STPG2: variants seen among roughly 807,000 people sequenced by gnomAD.
The protein encoded by STPG2 is sperm-tail PG-rich repeat-containing protein 2.
In STPG2, 56 loss-of-function variants were observed where a neutral mutation model predicts 54.2. The ratio of observed to expected loss-of-function variants is 1.03; its 90% CI spans 0.83 to 1.29. The LOEUF (loss-of-function observed/expected upper bound fraction) is 1.29. Ranked by LOEUF, STPG2 falls within the 50% of genes most tolerant of loss-of-function variation. STPG2 has a pLI of 0.00. For missense variants in STPG2, 596 were observed against 544.9 expected (o/e 1.09, Z -0.93); for synonymous variants, 200 against 181.8 (o/e 1.10, Z -0.81).
At chr4:97,773,049 C>T (rs1180714861) in intron 9 of STPG2, among the ~76,000 whole-genome samples, 1 of 152,154 alleles carries the variant, frequency 6.6e-6, no homozygotes, top group Non-Finnish European at 1.5e-5. Context: ...ATGTATTTTA[C>T]ATTAATGAAA....
At chr4:97,538,062 A>G (rs985808785) in intron 4 of STPG2, among the ~76,000 whole-genome samples, 1 of 152,152 alleles carries the variant, frequency 6.6e-6, no homozygotes, top group African/African-American at 2.4e-5. Flanking sequence ...ATCATCAAAG[A>G]CCAAAGGTAG....
chr4:97,718,065 A>T (rs1272308460), intron 9 of STPG2, among the ~76,000 whole-genome samples: 2 of 152,074 alleles, frequency 1.3e-5, no homozygotes, highest in African/African-American at 4.8e-5. Flanking sequence ...GTTCCCTTAG[A>T]TCACCATTCT....
intron 5 of STPG2, among the ~76,000 whole-genome samples, chr4:98,085,133 AGGTTT>A (rs1360537010): frequency 1.3e-5 from 2 of 152,032 alleles, no homozygotes; most frequent in Admixed American, 1.3e-4. Flanking sequence ...TTATGTTTTA[AGGTTT>A]GGTTTGGTTT....
At chr4:98,003,597 A>G (rs1332493450) in intron 5 of STPG2, among the ~76,000 whole-genome samples, 1 of 152,130 alleles carries the variant, frequency 6.6e-6, no homozygotes, top group Non-Finnish European at 1.5e-5. Context: ...TAAAAAGACT[A>G]CATGAAATCA....
chr4:97,466,791 G>A (rs974828944), intron 4 of STPG2, among the ~76,000 whole-genome samples: 1 of 151,782 alleles, frequency 6.6e-6, no homozygotes, highest in Non-Finnish European at 1.5e-5. Flanking sequence ...ATGAATATTA[G>A]AAAAAGAAAC....
intron 6 of STPG2, among the ~76,000 whole-genome samples, chr4:97,976,600 A>G (rs1428054854): frequency 6.6e-6 from 1 of 152,156 alleles, no homozygotes; most frequent in South Asian, 2.1e-4. Context: ...TTATAGTAGT[A>G]ACTTGCAAAC....
intron 5 of STPG2, among the ~76,000 whole-genome samples, chr4:98,040,432 T>C (rs749204561): frequency 9.2e-5 from 14 of 151,978 alleles, no homozygotes; most frequent in Admixed American, 9.2e-4. Context: ...GGTTTTCTTC[T>C]AGGATTTTTA....
intron 3 of STPG2, among the ~76,000 whole-genome samples, chr4:98,117,617 A>G (rs1260629270): frequency 6.6e-6 from 1 of 151,648 alleles, no homozygotes; most frequent in African/African-American, 2.4e-5. Flanking sequence ...TCTTCATCCT[A>G]TTTTCTTTCT....
intron 8 of STPG2, among the ~76,000 whole-genome samples, chr4:97,848,055 A>G (rs538704619): frequency 1.3e-5 from 2 of 152,190 alleles, no homozygotes; most frequent in African/African-American, 2.4e-5. Flanking sequence ...AAAATGACAT[A>G]AACTGCTAAA....
At chr4:97,652,602 T>C (rs1722102595) in intron 10 of STPG2, among the ~76,000 whole-genome samples, 1 of 151,966 alleles carries the variant, frequency 6.6e-6, no homozygotes, top group African/African-American at 2.4e-5. Flanking sequence ...TTCTTAGCAC[T>C]GTACACTGGG....
At chr4:97,805,520 C>T (rs1399371774) in intron 9 of STPG2, among the ~76,000 whole-genome samples, 1 of 152,082 alleles carries the variant, frequency 6.6e-6, no homozygotes, top group East Asian at 1.9e-4. Flanking sequence ...CTGTTCTAAT[C>T]TATTTAAAAG....
chr4:97,668,721 T>G, intron 10 of STPG2, among the ~76,000 whole-genome samples: 1 of 149,800 alleles, frequency 6.7e-6, no homozygotes, highest in Non-Finnish European at 1.5e-5. Context: ...AAAAGAAAAA[T>G]TAAAGTTGAT....
chr4:98,097,454 A>G (rs959700947), intron 5 of STPG2, among the ~76,000 whole-genome samples: 2 of 152,156 alleles, frequency 1.3e-5, no homozygotes, highest in Admixed American at 6.5e-5. Context: ...CCCTCAAAAA[A>G]CCAGGTATAG....
At chr4:98,021,327 T>C (rs1736181866) in intron 5 of STPG2, among the ~76,000 whole-genome samples, 1 of 133,242 alleles carries the variant, frequency 7.5e-6, no homozygotes, top group Non-Finnish European at 1.7e-5. Context: ...AGTTGAGCGG[T>C]TTTGAGTGAG....
rs999311522 is a variant in STPG2, at chr4:97,703,458, C to T, written c.1320+9241G>A. ...ATGATATATGCTATATATATACACA[C>T]ACTATATATATAGTAGTATATAGTA... On this transcript the variant is annotated intron_variant, in intron 10 of 10. Coordinates refer to ENST00000295268, the MANE Select transcript of STPG2 (RefSeq NM_174952.3). Among the ~76,000 whole-genome samples, 3 of 140,572 alleles carry T rather than the reference C, an allele frequency of 2.1e-5. No homozygotes were observed. In the East Asian group the frequency reaches 6.1e-4, roughly 29 times the overall value. The allele number at this position is 140,572 out of a possible 152,430, so 92.2% of individuals were successfully genotyped here. A position where few individuals can be genotyped will look rare whatever the true frequency, so the allele number is the denominator to read the frequency against.
At chr4:98,089,325 T>A (rs11935078) in intron 5 of STPG2, among the ~76,000 whole-genome samples, 60,145 of 151,958 alleles carry the variant, frequency 0.4, 12,142 homozygotes, top group Middle Eastern at 0.46. Flanking sequence ...ATTCCTGTGT[T>A]ACTTCACATG....
At chr4:97,996,211 C>T (rs2149272559) in intron 5 of STPG2, among the ~76,000 whole-genome samples, 1 of 152,230 alleles carries the variant, frequency 6.6e-6, no homozygotes, top group Non-Finnish European at 1.5e-5. Context: ...GCTACAGTAA[C>T]CAAAACAGCA....
intron 9 of STPG2, among the ~76,000 whole-genome samples, chr4:97,746,892 A>G (rs2149042341): frequency 6.6e-6 from 1 of 151,312 alleles, no homozygotes; most frequent in South Asian, 2.1e-4. Flanking sequence ...TGTTCCAGGT[A>G]TGTAGAACAG....
rs149798035 is a variant in STPG2, at chr4:98,112,946, T to C, written c.388-3641A>G. ...CTGGGGATTTTCTGTCAACTGGGTT[T>C]GCGTTCTAACACAGACAATCCTCAA... On this transcript the variant is annotated intron_variant, in intron 3 of 10. Coordinates refer to ENST00000295268, the MANE Select transcript of STPG2 (RefSeq NM_174952.3). Among the ~76,000 whole-genome samples, 644 of 151,934 alleles carry C rather than the reference T, an allele frequency of 4.2e-3. 7 individuals carry two copies. The highest frequency in any genetic ancestry group is 0.015 in the African/African-American group (601 of 41,440).
Sources: allele counts gnomAD v4.1 joint callset (sites outside exome capture counted in the v4.1 genomes callset), GRCh38; gene constraint gnomAD v4.1.1; transcripts MANE v1.5; gene names NCBI Gene and HGNC (gene_info 2026-07-23, HGNC 2026-07-21).